Variants in CMTR1 observed in about 807,000 individuals in gnomAD.
CMTR1 encodes cap-specific mRNA (nucleoside-2'-O-)-methyltransferase 1.
In CMTR1, 39 loss-of-function variants were observed where a neutral mutation model predicts 107.0. The ratio of observed to expected loss-of-function variants is 0.36; its 90% confidence interval spans 0.28 to 0.48. The LOEUF is 0.48. CMTR1 is among the 20% of genes least tolerant of loss of function. CMTR1 has a pLI of 0.99. For synonymous variants in CMTR1, 366 were observed against 379.5 expected (o/e 0.96, Z 0.41); for missense variants, 672 against 1,064.9 (o/e 0.63, Z 5.14).
At chr6:37,445,165 G>A (rs1332112427) in intron 3 of CMTR1, among the ~76,000 whole-genome samples, 1 of 152,230 alleles carries the variant, frequency 6.6e-6, no homozygotes, top group Non-Finnish European at 1.5e-5. Context: ...GGAAGTTAAA[G>A]ATGGGAAGGC....
At chr6:37,473,655 C>T (rs1761672688) in intron 17 of CMTR1, 54 bp downstream of exon 17, 14 of 1,584,484 alleles carry the variant, frequency 8.8e-6, no homozygotes, top group African/African-American at 1.3e-5. Flanking sequence ...TTGCCCTTTG[C>T]GGAATCTGGA....
upstream of CMTR1, among the ~76,000 whole-genome samples, chr6:37,428,551 G>T (rs769576739): frequency 6.6e-6 from 1 of 151,948 alleles, no homozygotes; most frequent in Non-Finnish European, 1.5e-5. Context: ...TCCACCTCCC[G>T]GATTCAAGCG....
At position 37,471,920 on chromosome 6, in the gene CMTR1, G is replaced by T; in HGVS notation, c.1620+16G>T. 1 of 1,608,736 alleles carries T rather than the reference G, an allele frequency of 6.2e-7. No individual in the cohort carries two copies. The highest frequency in any genetic ancestry group is 1.7e-5 in the Admixed American group (1 of 59,814). On this transcript the variant is annotated intron_variant, in intron 15 of 23. Transcript: ENST00000373451. ...ACTCTGGGGGGTGAGTATCTCCCCCGCCCATTGCTGCTTCAGGGCAGGGAA... is the reference window on the plus strand; with the variant it reads ...ACTCTGGGGGGTGAGTATCTCCCCCTCCCATTGCTGCTTCAGGGCAGGGAA...
Position 37,451,917 on chromosome 6 carries a change from T to C in CMTR1, c.609+40T>C, listed in dbSNP as rs1355903070. The C allele has an allele frequency of 3.3e-6, 5 of 1,529,948 alleles. No homozygotes were observed. The South Asian group carries it at 5.6e-5, about 17-fold the overall frequency. 94.8% of individuals were successfully genotyped at this position (1,529,948 alleles called of 1,614,324 possible). On this transcript the variant is annotated intron_variant, in intron 6 of 23. Coordinates refer to ENST00000373451, the MANE Select transcript of CMTR1 (RefSeq NM_015050.3). ...CTAGAACCAGATAATGAAAACCTTG[T>C]GGGAGGTGATTTGCTGGACTTTTCC...
intron 1 of CMTR1, 76 bp from the exon 2 acceptor site, chr6:37,435,548 T>C: frequency 1.3e-6 from 2 of 1,498,628 alleles, no homozygotes; most frequent in East Asian, 5.0e-5. Context: ...ATTGATGATT[T>C]ACACTTTGGA....
chr6:37,477,637 C>G lies in CMTR1; in HGVS notation c.2151C>G (p.Val717=), dbSNP rs147375358. 1,646 of 1,610,608 alleles carry G rather than the reference C, an allele frequency of 1.0e-3. 5 individuals are homozygous for G. The highest frequency in any genetic ancestry group is 1.1e-3 in the Non-Finnish European group (1,245 of 1,178,544). ...YRLEEMEKIF[V]RLEMKIIKGS... ...TGGAAGAGATGGAGAAGATTTTTGT[C>G]AGGTGAGTGACTTGACCGGTGAAGC... Residue 717 remains valine, a splice_region_variant and synonymous_variant, in exon 21 of 24, where the codon GTC becomes GTG. Coordinates refer to ENST00000373451, the MANE Select transcript of CMTR1 (RefSeq NM_015050.3).
chr6:37,437,811 A>G (rs1771571644), intron 2 of CMTR1, among the ~76,000 whole-genome samples: 1 of 152,150 alleles, frequency 6.6e-6, no homozygotes, highest in South Asian at 2.1e-4. Flanking sequence ...GATGGCTTGT[A>G]AGGGAAAAAG....
chr6:37,429,893 G>C (rs1222952370), upstream of CMTR1, among the ~76,000 whole-genome samples: 1 of 151,596 alleles, frequency 6.6e-6, no homozygotes, highest in East Asian at 1.9e-4. Flanking sequence ...AGCTGAGATT[G>C]TGCCACTGCA....
intron 13 of CMTR1, among the ~76,000 whole-genome samples, chr6:37,468,056 G>T (rs1425954584): frequency 5.5e-5 from 8 of 145,408 alleles, no homozygotes; most frequent in Middle Eastern, 3.6e-3. Context: ...CTGTTTTGTG[G>T]GGGGGGGGAC....
chr6:37,479,276 C>A, intron 23 of CMTR1, 21 bp downstream of exon 23: 10 of 1,522,112 alleles, frequency 6.6e-6, no homozygotes, highest in Non-Finnish European at 9.1e-6. Context: ...CTCCTCCAAG[C>A]CTGCCCTCCT....
intron 8 of CMTR1, among the ~76,000 whole-genome samples, chr6:37,456,155 C>T (rs1026449270): frequency 3.9e-5 from 6 of 152,212 alleles, no homozygotes; most frequent in Non-Finnish European, 5.9e-5. Flanking sequence ...TTAGAGGGCA[C>T]GGCCAGTGGC....
intron 10 of CMTR1, among the ~76,000 whole-genome samples, chr6:37,461,046 AC>A (rs1761393849): frequency 6.6e-6 from 1 of 152,178 alleles, no homozygotes; most frequent in Admixed American, 6.5e-5. Flanking sequence ...TGTAAGTAAA[AC>A]CTGAGTCAAC....
chr6:37,472,346 C>G lies in CMTR1; in HGVS notation c.1621-73C>G. On this transcript the variant is annotated intron_variant, in intron 15 of 23. Coordinates refer to ENST00000373451, the MANE Select transcript of CMTR1 (RefSeq NM_015050.3). This position sits in a 1 kb window ranked among gnomAD's most constrained non-coding sequence, Gnocchi z 4.1. Reference sequence around the variant, plus strand: ...CCCCAGTCTGACCCTATCTCCTCCACCTGCATATACTCATACACGGTCTTG... The same window carrying G: ...CCCCAGTCTGACCCTATCTCCTCCAGCTGCATATACTCATACACGGTCTTG... The G allele has an allele frequency of 7.2e-7, 1 of 1,383,016 alleles. No homozygotes were observed. Among genetic ancestry groups the G allele is most frequent in the Non-Finnish European group, 1.0e-6 (1 of 970,298 alleles). The allele number at this position is 1,383,016 out of a possible 1,614,324, so 85.7% of individuals were successfully genotyped here.
At chr6:37,474,957 C>G (rs578142403) in intron 18 of CMTR1, among the ~76,000 whole-genome samples, 1 of 152,140 alleles carries the variant, frequency 6.6e-6, no homozygotes, top group Non-Finnish European at 1.5e-5. Context: ...CCTTGGGAAA[C>G]AAGAGACTTG....
chr6:37,463,079 T>C, intron 13 of CMTR1, 71 bp downstream of exon 13: 2 of 1,469,048 alleles, frequency 1.4e-6, no homozygotes, highest in South Asian at 2.4e-5. Flanking sequence ...AAAGACTGAA[T>C]GGTTGGCTCT....
At chr6:37,477,886 T>C (rs1241347157) in intron 21 of CMTR1, among the ~76,000 whole-genome samples, 2 of 152,162 alleles carry the variant, frequency 1.3e-5, no homozygotes, top group Non-Finnish European at 2.9e-5. Flanking sequence ...TACGGGCTCA[T>C]TGATGCTGTC....
the CMTR1 span, among the ~76,000 whole-genome samples, chr6:37,425,448 C>T: frequency 0.66 from 100,677 of 151,594 alleles, 34,501 homozygotes; most frequent in African/African-American, 0.82. Context: ...AGGCACGTGC[C>T]ACGCCTGGCT....
intron 10 of CMTR1, among the ~76,000 whole-genome samples, chr6:37,461,104 A>G (rs952440969): frequency 6.6e-6 from 1 of 152,250 alleles, no homozygotes; most frequent in Non-Finnish European, 1.5e-5. Context: ...CTCCTTCACC[A>G]GAGTGGGAAG....
intron 8 of CMTR1, among the ~76,000 whole-genome samples, chr6:37,457,932 G>A (rs1761329653): frequency 6.6e-6 from 1 of 152,120 alleles, no homozygotes; most frequent in Non-Finnish European, 1.5e-5. Context: ...TTTGTATCTT[G>A]GTGCCTCTTT....
Sources: gnomAD v4.1 joint callset for allele counts (sites outside exome capture counted in the v4.1 genomes callset) on GRCh38, gnomAD v4.1.1 for gene constraint, Gnocchi (gnomAD v3.1) non-coding constraint, MANE v1.5 for transcripts, NCBI Gene and HGNC (gene_info 2026-07-23, HGNC 2026-07-21) for gene names.